SRFBP1: variants seen among roughly 807,000 people sequenced by gnomAD.
SRFBP1 encodes the protein serum response factor binding protein 1.
A neutral mutation model predicts 45.5 loss-of-function variants in SRFBP1; 47 were observed. The observed-to-expected ratio is 1.03, with a 90% confidence interval of 0.82 to 1.32. SRFBP1 has a LOEUF of 1.32. SRFBP1 is among the 40% of genes most tolerant of loss of function. The probability of loss-of-function intolerance (pLI) is 0.00; values close to 1 mark genes in which losing one functional copy is unlikely to be tolerated. For synonymous variants in SRFBP1, 203 were observed against 166.3 expected (o/e 1.22, Z -1.70); for missense variants, 621 against 484.6 (o/e 1.28, Z -2.64).
chr5:122,041,563 A>T (rs1446869758), intron 2 of SRFBP1, among the ~76,000 whole-genome samples: 1 of 151,394 alleles, frequency 6.6e-6, no homozygotes, highest in Non-Finnish European at 1.5e-5. Context: ...CAAACAGAAT[A>T]TTTCATTTTA....
At chr5:121,971,557 A>T (rs532699114) in intron 1 of SRFBP1, among the ~76,000 whole-genome samples, 2 of 152,136 alleles carry the variant, frequency 1.3e-5, no homozygotes, top group African/African-American at 4.8e-5. Context: ...GAAGTTGCAC[A>T]TTTGGGCTTG....
At chr5:121,998,293 A>G (rs552655039) in intron 4 of SRFBP1, among the ~76,000 whole-genome samples, 5 of 151,526 alleles carry the variant, frequency 3.3e-5, no homozygotes, top group South Asian at 2.1e-4. Flanking sequence ...AGACTGGATT[A>G]AGAAAATGTG....
chr5:122,010,025 G>A (rs1463308112), intron 4 of SRFBP1, among the ~76,000 whole-genome samples: 1 of 152,042 alleles, frequency 6.6e-6, no homozygotes, highest in Non-Finnish European at 1.5e-5. Context: ...CAAACTGTAA[G>A]ATCCAAAGAC....
intron 7 of SRFBP1, among the ~76,000 whole-genome samples, chr5:122,024,972 T>C (rs1165206956): frequency 1.3e-5 from 2 of 152,204 alleles, no homozygotes; most frequent in African/African-American, 2.4e-5. Context: ...ATTTTTATTA[T>C]TATTACACTT....
At chr5:122,058,529 AGTGTGT>A (rs147926229) in intron 2 of SRFBP1, among the ~76,000 whole-genome samples, 5,864 of 142,294 alleles carry the variant, frequency 0.041, 222 homozygotes, top group African/African-American at 0.11. Flanking sequence ...ACAATGAGAT[AGTGTGT>A]GTGTGTGTGT....
downstream of SRFBP1, chr5:122,077,300 C>T: frequency 1.9e-6 from 3 of 1,608,782 alleles, no homozygotes; most frequent in Non-Finnish European, 1.7e-6. This position sits in a 1 kb window ranked among gnomAD's most constrained non-coding sequence, Gnocchi z 4.9. Flanking sequence ...GTCGAGAAGC[C>T]ACATAGCTGG....
chr5:121,963,197 A>C (rs1218725728), intron 1 of SRFBP1, among the ~76,000 whole-genome samples: 1 of 152,204 alleles, frequency 6.6e-6, no homozygotes, highest in Admixed American at 6.5e-5. Flanking sequence ...GTAACTCTTC[A>C]CTGATGGGAA....
downstream of SRFBP1, among the ~76,000 whole-genome samples, chr5:122,031,734 C>A (rs1440010740): frequency 6.6e-6 from 1 of 152,010 alleles, no homozygotes; most frequent in African/African-American, 2.4e-5. Flanking sequence ...AAAAAAGAAC[C>A]CAGATATCCA....
rs757862794 is a variant in SRFBP1, at chr5:122,019,287, A to G, written c.298A>G (p.Ile100Val). ...AGATTCTACTGCAACTGAAAGAGCA[A>G]TTGCCAGACTAGCAGTACATCCTCT... ...KPDSTATERA[I>V]ARLAVHPLLK... Residue 100 changes from isoleucine (I) to valine (V), a missense_variant, in exon 5 of 8, where the codon ATT (isoleucine) becomes GTT (valine). Ile to Val is a conservative substitution (Grantham distance 29, BLOSUM62 3). Coordinates refer to ENST00000339397, the MANE Select transcript of SRFBP1 (RefSeq NM_152546.3). 5 of 1,612,498 alleles carry G rather than the reference A, an allele frequency of 3.1e-6. No homozygotes were observed. Among genetic ancestry groups the G allele is most frequent in the South Asian group, 2.2e-5 (2 of 90,914 alleles).
chr5:122,011,067 G>A (rs894609550), intron 4 of SRFBP1, among the ~76,000 whole-genome samples: 3 of 152,060 alleles, frequency 2.0e-5, no homozygotes, highest in African/African-American at 7.2e-5. Flanking sequence ...GTGGATTTAT[G>A]TCATCAGATA....
At chr5:122,074,256 C>T in intron 2 of SRFBP1, 1 of 1,180,650 alleles carries the variant, frequency 8.5e-7, no homozygotes, top group Non-Finnish European at 1.2e-6. Flanking sequence ...CATGGCTTCA[C>T]AAATTTGTTT....
At chr5:122,031,034 G>C (rs147836789), downstream of SRFBP1, among the ~76,000 whole-genome samples, 103 of 152,266 alleles carry the variant, frequency 6.8e-4, no homozygotes, top group African/African-American at 2.3e-3. Flanking sequence ...ATAAGTAGGT[G>C]AAGGCTAAGG....
chr5:121,983,199 A>C (rs1752446910), intron 3 of SRFBP1, among the ~76,000 whole-genome samples: 1 of 151,680 alleles, frequency 6.6e-6, no homozygotes, highest in Non-Finnish European at 1.5e-5. Flanking sequence ...AATGGAGACA[A>C]ATTATTTTCA....
downstream of SRFBP1, chr5:122,077,836 G>C (rs1303506475): frequency 6.4e-7 from 1 of 1,552,954 alleles, no homozygotes; most frequent in Non-Finnish European, 8.7e-7. The surrounding 1 kb of genome is among the most constrained non-coding windows in gnomAD (Gnocchi z 4.9). Flanking sequence ...CCTGCCCGTT[G>C]TTCTCCCATT....
downstream of SRFBP1, among the ~76,000 whole-genome samples, chr5:122,033,123 A>AT (rs1753617256): frequency 6.7e-6 from 1 of 149,676 alleles, no homozygotes; most frequent in South Asian, 2.1e-4. Context: ...TTTTGTATCA[A>AT]TTTTTTGAAT....
chr5:122,042,219 A>T (rs932305080), intron 2 of SRFBP1, among the ~76,000 whole-genome samples: 1 of 152,154 alleles, frequency 6.6e-6, no homozygotes, highest in African/African-American at 2.4e-5. Flanking sequence ...TGTCCCTGTT[A>T]TATATGTTAT....
At chr5:122,015,216 C>G (rs906824270) in intron 4 of SRFBP1, among the ~76,000 whole-genome samples, 1 of 152,024 alleles carries the variant, frequency 6.6e-6, no homozygotes, top group African/African-American at 2.4e-5. Flanking sequence ...GTAATTAATC[C>G]TGAGGATTAA....
intron 3 of SRFBP1, among the ~76,000 whole-genome samples, chr5:121,976,767 C>T (rs114676842): frequency 0.037 from 5,581 of 150,006 alleles, 298 homozygotes; most frequent in African/African-American, 0.11. Flanking sequence ...TATATATGTG[C>T]ATACACATAC....
intron 2 of SRFBP1, among the ~76,000 whole-genome samples, chr5:122,037,957 T>A (rs1040821976): frequency 6.6e-6 from 1 of 152,206 alleles, no homozygotes; most frequent in African/African-American, 2.4e-5. Context: ...TCATGTGACT[T>A]AGGAATTGCT....
Sources: gnomAD v4.1 joint callset for allele counts (sites outside exome capture counted in the v4.1 genomes callset) on GRCh38, gnomAD v4.1.1 for gene constraint, Gnocchi (gnomAD v3.1) non-coding constraint, MANE v1.5 for transcripts, NCBI Gene and HGNC (gene_info 2026-07-23, HGNC 2026-07-21) for gene names.